GIGYF2: variants seen among roughly 807,000 people sequenced by gnomAD.
The protein encoded by GIGYF2 is GRB10-interacting GYF protein 2.
GIGYF2 carries 25 observed loss-of-function variants against 208.1 expected under a neutral mutation model. The ratio of observed to expected loss-of-function variants is 0.12; its 90% confidence interval spans 0.09 to 0.17. The LOEUF is 0.17. Ranked by LOEUF, GIGYF2 falls within the 10% of genes least tolerant of loss-of-function variation. GIGYF2 has a pLI of 1.00. For synonymous variants in GIGYF2, 534 were observed against 543.8 expected (o/e 0.98, Z 0.25); for missense variants, 1,302 against 1,579.4 (o/e 0.82, Z 2.98).
Position 232,858,636 on chromosome 2 carries a change from C to T in GIGYF2, c.*1776C>T, listed in dbSNP as rs1690663939. 3 of 450,728 alleles carry T rather than the reference C, an allele frequency of 6.7e-6. No homozygotes were observed. The highest frequency in any genetic ancestry group is 3.1e-5 in the South Asian group (2 of 63,860). The allele number at this position is 450,728 out of a possible 1,614,324, so 27.9% of individuals were successfully genotyped here. A position where few individuals can be genotyped will look rare whatever the true frequency, so the allele number is the denominator to read the frequency against. On this transcript the variant is annotated 3_prime_UTR_variant, in exon 29 of 29. Transcript: ENST00000373563. Reference sequence around the variant, plus strand: ...AATCTGATTGTATTCTATCTGAGTGCACCTCTTGTACTCACCTTTATGGAG... The same window carrying T: ...AATCTGATTGTATTCTATCTGAGTGTACCTCTTGTACTCACCTTTATGGAG...
chr2:232,851,991 C>T (rs1690352961), intron 28 of GIGYF2, among the ~76,000 whole-genome samples: 2 of 152,004 alleles, frequency 1.3e-5, no homozygotes, highest in African/African-American at 4.8e-5. Flanking sequence ...GGCTTGGGGA[C>T]CAGGATGGAT....
chr2:232,705,155 G>T (rs143169615), intron 2 of GIGYF2, among the ~76,000 whole-genome samples: 1 of 151,786 alleles, frequency 6.6e-6, no homozygotes, highest in Admixed American at 6.6e-5. Flanking sequence ...CACCGCGCCC[G>T]GCCAACTTCT....
intron 2 of GIGYF2, among the ~76,000 whole-genome samples, chr2:232,716,485 C>T (rs1027132038): frequency 6.7e-6 from 1 of 148,974 alleles, no homozygotes; most frequent in African/African-American, 2.5e-5. Flanking sequence ...TTCAAGCAAT[C>T]CTCATGCCTC....
intron 12 of GIGYF2, among the ~76,000 whole-genome samples, chr2:232,792,422 C>T (rs1700096534): frequency 6.6e-6 from 1 of 152,088 alleles, no homozygotes; most frequent in Non-Finnish European, 1.5e-5. Context: ...ATGTCTAGAA[C>T]AAAGCTGATT....
rs981511184 is a variant in GIGYF2 at position 232,776,259 on chromosome 2, T to G, written c.533-10891T>G. The stretch of plus-strand genomic sequence containing the variant: ...AAAATTTCCAGTAATACATTCAATA[T>G]GGCTGTTATTGCATTTTTAAGATTT... On this transcript the variant is annotated intron_variant, in intron 8 of 28. Transcript: ENST00000373563. Among the ~76,000 whole-genome samples, 3 of 152,202 alleles carry G rather than the reference T, an allele frequency of 2.0e-5. No homozygotes were observed. The East Asian group carries it at 5.8e-4, about 29-fold the overall frequency.
intron 21 of GIGYF2, among the ~76,000 whole-genome samples, chr2:232,824,938 T>C (rs1559459452): frequency 6.6e-6 from 1 of 152,224 alleles, no homozygotes; most frequent in South Asian, 2.1e-4. Flanking sequence ...AGAATTATAC[T>C]AAATCTACTC....
rs1200625319 is a variant in GIGYF2, at chr2:232,844,054, C to T, written c.2898C>T (p.Arg966=). 2.5e-6 allele frequency: 4 copies of T among 1,612,798 alleles called. No homozygotes were observed. Among genetic ancestry groups the T allele is most frequent in the South Asian group, 2.2e-5 (2 of 90,964 alleles). The change falls in exon 24 of 29, where the codon CGC becomes CGT. Residue 966 remains arginine, a synonymous_variant. Coordinates refer to ENST00000373563, the MANE Select transcript of GIGYF2 (RefSeq NM_001103146.3). ...CTGTTTTTATGCAACAGCAAAGGCG[C>T]CAGCAGAGGGAGTTGATGAAAGCTC... ...RERQLREEQR[R]QQRELMKALQ...
chr2:232,840,991 A>G (rs917788392), intron 23 of GIGYF2, among the ~76,000 whole-genome samples: 1 of 152,076 alleles, frequency 6.6e-6, no homozygotes, highest in Admixed American at 6.6e-5. Flanking sequence ...TGTGTTTACC[A>G]GGTAGTGTGC....
chr2:232,794,431 G>A (rs930483087), intron 12 of GIGYF2, among the ~76,000 whole-genome samples: 1 of 152,220 alleles, frequency 6.6e-6, no homozygotes, highest in Non-Finnish European at 1.5e-5. Context: ...TTGGAGACAT[G>A]TTATGAAGAA....
In GIGYF2 at chr2:232,858,388, T is replaced by C. The variant is rs1202446141; in HGVS notation, c.*1528T>C. On this transcript the variant is annotated 3_prime_UTR_variant, in exon 29 of 29. Coordinates refer to ENST00000373563, the MANE Select transcript of GIGYF2 (RefSeq NM_001103146.3). ...TTCTTGCCTCCCTCCCTTCTAAACA[T>C]GTGTAATAACTATACAGAGACTGCT... 2.3e-6 allele frequency: 1 copy of C among 425,542 alleles called. No individual in the cohort carries two copies. The highest frequency in any genetic ancestry group is 4.6e-6 in the Non-Finnish European group (1 of 218,292). 26.4% of individuals were successfully genotyped at this position (425,542 alleles called of 1,614,324 possible).
At position 232,850,435 on chromosome 2, in the gene GIGYF2, A is replaced by C. The variant is rs1690268957; in HGVS notation, c.3832+26A>C. The C allele has an allele frequency of 1.9e-6, 3 of 1,607,970 alleles. No individual in the cohort carries two copies. In the East Asian group the frequency reaches 6.7e-5, roughly 36 times the overall value. On this transcript the variant is annotated intron_variant, in intron 28 of 28. Transcript: ENST00000373563. Reference sequence around the variant, plus strand: ...GTGAGCACGGTCCTAGTCTCAGCTGAGTGTTGGAGGAGTGCAGGTGATACC... The same window carrying C: ...GTGAGCACGGTCCTAGTCTCAGCTGCGTGTTGGAGGAGTGCAGGTGATACC...
At chr2:232,722,618 T>C (rs1478548552) in intron 2 of GIGYF2, 1 of 152,184 alleles carries the variant, frequency 6.6e-6, no homozygotes, top group Non-Finnish European at 1.5e-5. Flanking sequence ...AAGGATGTTG[T>C]TGGAAAAACT....
intron 16 of GIGYF2, 192 bp from the exon 17 acceptor site, chr2:232,811,052 A>T (rs1317357816): frequency 1.8e-6 from 1 of 550,412 alleles, no homozygotes; most frequent in Non-Finnish European, 3.2e-6. Flanking sequence ...CTATGAGTTC[A>T]GTTCTTTCTA....
At chr2:232,703,891 C>T (rs1291281636) in intron 2 of GIGYF2, among the ~76,000 whole-genome samples, 1 of 152,130 alleles carries the variant, frequency 6.6e-6, no homozygotes, top group Non-Finnish European at 1.5e-5. Flanking sequence ...TCTTTTTGTC[C>T]TGCTTTAATT....
intron 5 of GIGYF2, among the ~76,000 whole-genome samples, chr2:232,755,303 TGGGATTACAGGTGCCTGCCACC>T (rs1463600392): frequency 3.3e-5 from 5 of 152,158 alleles, no homozygotes; most frequent in Admixed American, 3.3e-4. Flanking sequence ...CCCAAGTAGC[TGGGATTACAGGTGCCTGCCACC>T]GCGCCCGGCT....
At chr2:232,769,077 T>C (rs1699106308) in intron 8 of GIGYF2, among the ~76,000 whole-genome samples, 1 of 152,178 alleles carries the variant, frequency 6.6e-6, no homozygotes, top group African/African-American at 2.4e-5. Context: ...CATCCTCTAG[T>C]TTCTTACAAA....
intron 21 of GIGYF2, among the ~76,000 whole-genome samples, chr2:232,827,214 T>TTTTTTTTTTTTTTG (rs1466147543): frequency 6.6e-6 from 1 of 152,142 alleles, no homozygotes; most frequent in African/African-American, 2.4e-5. Context: ...CATTGTTTTT[T>TTTTTTTTTTTTTTG]AAGACATAAT....
At chr2:232,719,535 T>C (rs1407117364) in intron 2 of GIGYF2, among the ~76,000 whole-genome samples, 1 of 152,206 alleles carries the variant, frequency 6.6e-6, no homozygotes, top group African/African-American at 2.4e-5. Context: ...TGATTTCTTT[T>C]CTTTCTTCTC....
intron 20 of GIGYF2, among the ~76,000 whole-genome samples, chr2:232,819,136 G>C (rs2106394220): frequency 6.6e-6 from 1 of 152,148 alleles, no homozygotes; most frequent in South Asian, 2.1e-4. Flanking sequence ...GGCCCCAAGA[G>C]GTGCTCTTTG....
Sources: allele counts gnomAD v4.1 joint callset (sites outside exome capture counted in the v4.1 genomes callset), GRCh38; gene constraint gnomAD v4.1.1; transcripts MANE v1.5; gene names NCBI Gene and HGNC (gene_info 2026-07-23, HGNC 2026-07-21).